The following AP2A2 variants were observed in gnomAD, a reference collection of about 807,000 sequenced individuals.
The protein encoded by AP2A2 is AP-2 complex subunit alpha-2.
In AP2A2, 32 loss-of-function variants were observed where a neutral mutation model predicts 104.2. The observed-to-expected ratio is 0.31, with a 90% confidence interval of 0.23 to 0.41. The LOEUF (loss-of-function observed/expected upper bound fraction) is 0.41, where lower values mean the gene tolerates loss of function less well. Among genes scored for constraint, AP2A2 ranks in the 10% least tolerant of loss-of-function variants. The pLI, the probability that AP2A2 is intolerant of heterozygous loss-of-function variation, is 1.00. For missense variants in AP2A2, 912 were observed against 1,261.0 expected (o/e 0.72, Z 4.19); for synonymous variants, 539 against 533.3 (o/e 1.01, Z -0.15).
Position 994,110 on chromosome 11 carries a change from G to A in AP2A2, c.1821G>A (p.Arg607=), listed in dbSNP as rs765788083. Residue 607 remains arginine, a synonymous_variant, in exon 14 of 22, where the codon CGG becomes CGA. Transcript: ENST00000448903. Reference sequence around the variant, plus strand: ...AGGAGATGCCCCCATTCCCGGAGCGGGAGTCCTCCATCTTGGCAAAGCTCA... The same window carrying A: ...AGGAGATGCCCCCATTCCCGGAGCGAGAGTCCTCCATCTTGGCAAAGCTCA... ...VLEEMPPFPE[R]ESSILAKLKK... is the part of the protein sequence containing the mutation. 3 of 1,613,094 alleles carry A rather than the reference G, an allele frequency of 1.9e-6. No individual in the cohort carries two copies. The African/African-American group carries it at 4.0e-5, about 21-fold the overall frequency.
chr11:951,540 G>A (rs112747273), intron 1 of AP2A2, among the ~76,000 whole-genome samples: 98 of 151,428 alleles, frequency 6.5e-4, no homozygotes, highest in African/African-American at 2.3e-3. Context: ...AAAAAAAAAA[G>A]AACGTGTGAG....
At chr11:984,821 T>A in intron 7 of AP2A2, 68 bp downstream of exon 7, 1 of 1,310,084 alleles carries the variant, frequency 7.6e-7, no homozygotes, top group Non-Finnish European at 1.1e-6. Context: ...CAGATTTAAG[T>A]GGTTTGTTTG....
intron 6 of AP2A2, 115 bp from the exon 7 acceptor site, chr11:984,530 A>G: frequency 5.5e-6 from 5 of 916,782 alleles, no homozygotes; most frequent in Non-Finnish European, 8.6e-6. Flanking sequence ...CACATGAAAC[A>G]AAACCATTTT....
At chr11:946,155 C>G (rs1283452717) in intron 1 of AP2A2, among the ~76,000 whole-genome samples, 1 of 152,200 alleles carries the variant, frequency 6.6e-6, no homozygotes, top group Non-Finnish European at 1.5e-5. Flanking sequence ...TTGCGACACT[C>G]TGAGGAGCTT....
At position 962,061 on chromosome 11, in the gene AP2A2, C is replaced by T. The variant is rs568775950; in HGVS notation, c.136+2556C>T. Among the ~76,000 whole-genome samples the T allele has an allele frequency of 1.2e-4, 18 of 152,356 alleles. No homozygotes were observed. In the East Asian group the frequency reaches 1.3e-3, roughly 11 times the overall value. ...GCCGCCACCTGCCCATCAGGGAGCTCGGGAGCCCAGATTGCCGGCTGGAGG... is the reference window on the plus strand; with the variant it reads ...GCCGCCACCTGCCCATCAGGGAGCTTGGGAGCCCAGATTGCCGGCTGGAGG... On this transcript the variant is annotated intron_variant, in intron 2 of 21. Transcript: ENST00000448903.
At chr11:932,916 T>C (rs1853335979) in intron 1 of AP2A2, 2 of 352,878 alleles carry the variant, frequency 5.7e-6, no homozygotes, top group African/African-American at 4.3e-5. Context: ...GATTTTGTAG[T>C]AGAAGAGTTC....
At chr11:955,484 G>A (rs1464973691) in intron 1 of AP2A2, among the ~76,000 whole-genome samples, 2 of 152,216 alleles carry the variant, frequency 1.3e-5, no homozygotes, top group Admixed American at 6.5e-5. Context: ...TGGGCAGCCT[G>A]CCCAGGGGTC....
At chr11:936,571 A>G (rs1853465409) in intron 1 of AP2A2, among the ~76,000 whole-genome samples, 1 of 151,820 alleles carries the variant, frequency 6.6e-6, no homozygotes, top group Admixed American at 6.6e-5. Context: ...ACTTTTTTGT[A>G]GAAATGGGGT....
chr11:983,588 T>C (rs938611998), intron 6 of AP2A2, among the ~76,000 whole-genome samples: 4 of 151,892 alleles, frequency 2.6e-5, no homozygotes, highest in East Asian at 1.9e-4. Context: ...TTTCACTGTG[T>C]TAGCCAGGAT....
At chr11:989,927 C>T (rs909838256) in intron 10 of AP2A2, among the ~76,000 whole-genome samples, 1 of 152,108 alleles carries the variant, frequency 6.6e-6, no homozygotes, top group Admixed American at 6.5e-5. Flanking sequence ...TTTTTTTGGG[C>T]GAAGTGCGGC....
intron 6 of AP2A2, among the ~76,000 whole-genome samples, chr11:983,016 T>C (rs1262983019): frequency 8.0e-6 from 1 of 125,366 alleles, no homozygotes; most frequent in Non-Finnish European, 1.6e-5. Flanking sequence ...ATTTTCTTTT[T>C]CTTTTTTTTT....
chr11:955,471 C>T (rs913832611), intron 1 of AP2A2, among the ~76,000 whole-genome samples: 4 of 152,184 alleles, frequency 2.6e-5, no homozygotes, highest in African/African-American at 7.2e-5. Context: ...GATGCTGAGA[C>T]GCTGGGCAGC....
chr11:958,777 A>G (rs956116775), intron 1 of AP2A2, among the ~76,000 whole-genome samples: 1 of 152,158 alleles, frequency 6.6e-6, no homozygotes, highest in South Asian at 2.1e-4. Flanking sequence ...CAAAGGTTCC[A>G]TCTTCAGATA....
intron 5 of AP2A2, 95 bp from the exon 6 acceptor site, chr11:981,103 T>C (rs1855221531): frequency 3.2e-5 from 33 of 1,029,316 alleles, no homozygotes; most frequent in Non-Finnish European, 4.4e-5. Context: ...GCTGCCACTG[T>C]GCTGCTGGTT....
intron 16 of AP2A2, among the ~76,000 whole-genome samples, chr11:1,004,771 G>GTCGT (rs1439222137): frequency 1.3e-5 from 2 of 152,206 alleles, no homozygotes; most frequent in African/African-American, 4.8e-5. Context: ...GCGAGACCCT[G>GTCGT]TCGTTCATTC....
intron 7 of AP2A2, 127 bp from the exon 8 acceptor site, chr11:985,308 G>T: frequency 7.8e-7 from 1 of 1,275,396 alleles, no homozygotes; most frequent in South Asian, 1.5e-5. Context: ...AATGCTTCCA[G>T]CTGGGTACAC....
intron 8 of AP2A2, among the ~76,000 whole-genome samples, chr11:985,955 G>A (rs1184304078): frequency 6.6e-6 from 1 of 152,258 alleles, no homozygotes; most frequent in African/African-American, 2.4e-5. Flanking sequence ...TGGGTCCAGG[G>A]TCGCAGGGCA....
At chr11:1,000,147 T>C (rs1855983602) in intron 14 of AP2A2, among the ~76,000 whole-genome samples, 1 of 152,204 alleles carries the variant, frequency 6.6e-6, no homozygotes, top group Admixed American at 6.5e-5. Flanking sequence ...TGAGAATTTT[T>C]TTCATTCAAA....
At chr11:959,577 T>TA in intron 2 of AP2A2, 72 bp downstream of exon 2, 1 of 972,648 alleles carries the variant, frequency 1.0e-6, no homozygotes, top group South Asian at 1.5e-5. Context: ...AGTCTTTTAA[T>TA]ACTGTCTTCT....
Sources: gnomAD v4.1 joint callset for allele counts (sites outside exome capture counted in the v4.1 genomes callset) on GRCh38, gnomAD v4.1.1 for gene constraint, MANE v1.5 for transcripts, NCBI Gene and HGNC (gene_info 2026-07-23, HGNC 2026-07-21) for gene names.